UGGT2: variants seen among roughly 807,000 people sequenced by gnomAD.
UGGT2 encodes UDP-glucose glycoprotein glucosyltransferase 2.
In UGGT2, 180 loss-of-function variants were observed where a neutral mutation model predicts 192.1. The observed-to-expected ratio is 0.94, with a 90% CI of 0.83 to 1.06. UGGT2 has a LOEUF of 1.06. Ranked by LOEUF, UGGT2 falls within the 50% of genes least tolerant of loss-of-function variation. The pLI is 0.00. For missense variants in UGGT2, 1,849 were observed against 1,795.7 expected (o/e 1.03, Z -0.54); for synonymous variants, 580 against 591.0 (o/e 0.98, Z 0.27).
intron 38 of UGGT2, among the ~76,000 whole-genome samples, chr13:95,805,439 A>T (rs1884256367): frequency 6.6e-6 from 1 of 152,206 alleles, no homozygotes; most frequent in South Asian, 2.1e-4. Context: ...CATATCCAAA[A>T]TAATGGAAAG....
chr13:95,977,153 G>A (rs1409095368), intron 10 of UGGT2, among the ~76,000 whole-genome samples: 1 of 152,174 alleles, frequency 6.6e-6, no homozygotes, highest in Non-Finnish European at 1.5e-5. Flanking sequence ...AAGACTTCAT[G>A]ACTAAAATAC....
At chr13:96,017,712 A>C (rs1483107086) in intron 4 of UGGT2, among the ~76,000 whole-genome samples, 1 of 152,230 alleles carries the variant, frequency 6.6e-6, no homozygotes, top group Admixed American at 6.5e-5. Context: ...TATATGCATT[A>C]AAAAAGAACA....
chr13:95,999,313 C>A lies in UGGT2; in HGVS notation c.661-6G>T. 6.2e-7 allele frequency: 1 copy of A among 1,612,322 alleles called. No homozygotes were observed. The highest frequency in any genetic ancestry group is 1.1e-5 in the South Asian group (1 of 90,970). The stretch of plus-strand genomic sequence containing the variant: ...ATTTTCCGTGAGCTTGGTTTCTGTT[C>A]AAACACATTTATTTTATAAAAAGCG... On this transcript the variant is annotated splice_region_variant and splice_polypyrimidine_tract_variant and intron_variant, in intron 5 of 38. Coordinates refer to ENST00000376747, the MANE Select transcript of UGGT2 (RefSeq NM_020121.4).
At chr13:95,879,999 G>C (rs1032342404) in intron 27 of UGGT2, among the ~76,000 whole-genome samples, 1 of 152,038 alleles carries the variant, frequency 6.6e-6, no homozygotes, top group African/African-American at 2.4e-5. Flanking sequence ...CCATCAACCT[G>C]CCATCTACAT....
At chr13:95,809,360 G>T (rs936005877) in intron 38 of UGGT2, 27 of 422,000 alleles carry the variant, frequency 6.4e-5, no homozygotes, top group Middle Eastern at 9.0e-4. Flanking sequence ...ACTCTCCACG[G>T]TTTTTGTTTC....
chr13:96,004,228 T>C (rs2051899764), intron 5 of UGGT2, among the ~76,000 whole-genome samples: 1 of 152,084 alleles, frequency 6.6e-6, no homozygotes, highest in Non-Finnish European at 1.5e-5. Context: ...TTAATTATTA[T>C]GGATACAGAA....
chr13:95,950,040 T>C (rs1315037561), intron 12 of UGGT2, among the ~76,000 whole-genome samples: 1 of 152,008 alleles, frequency 6.6e-6, no homozygotes, highest in Non-Finnish European at 1.5e-5. Context: ...CTAAACTTCA[T>C]CCCTGGGTCC....
At chr13:95,849,592 A>T in intron 36 of UGGT2, among the ~76,000 whole-genome samples, 1 of 150,220 alleles carries the variant, frequency 6.7e-6, no homozygotes. Flanking sequence ...TTAATTTTTT[A>T]TAAATAACTT....
At chr13:96,025,069 T>C (rs1347897620) in intron 2 of UGGT2, among the ~76,000 whole-genome samples, 3 of 152,158 alleles carry the variant, frequency 2.0e-5, no homozygotes, top group South Asian at 2.1e-4. Context: ...ATATGGGACA[T>C]TGTGGTTATT....
rs547867084 is a variant in UGGT2, at chr13:95,993,974, G to T, written c.830+2089C>A. ...CAGCGTGGCAGGAAAAAAAGGGGGG[G>T]GTATAACTTTAATTTTTGAAAGCTT... On this transcript the variant is annotated intron_variant, in intron 7 of 38. Coordinates refer to ENST00000376747, the MANE Select transcript of UGGT2 (RefSeq NM_020121.4). Among the ~76,000 whole-genome samples the T allele has an allele frequency of 2.0e-4, 30 of 151,866 alleles. 1 individual carries two copies. The South Asian group carries it at 6.3e-3, about 32-fold the overall frequency.
At chr13:95,973,073 G>C (rs1402975876) in intron 10 of UGGT2, among the ~76,000 whole-genome samples, 1 of 152,142 alleles carries the variant, frequency 6.6e-6, no homozygotes, top group African/African-American at 2.4e-5. Context: ...GGGAGGCTGA[G>C]GCAGGAGAAT....
intron 21 of UGGT2, among the ~76,000 whole-genome samples, 181 bp downstream of exon 21, chr13:95,902,669 TTTAC>T (rs997421480): frequency 3.9e-5 from 6 of 151,988 alleles, no homozygotes; most frequent in African/African-American, 9.7e-5. Flanking sequence ...TGAAATCTGA[TTTAC>T]TAAATGCCTC....
At chr13:96,030,710 T>A (rs951928008) in intron 2 of UGGT2, among the ~76,000 whole-genome samples, 1 of 152,342 alleles carries the variant, frequency 6.6e-6, no homozygotes, top group East Asian at 1.9e-4. Flanking sequence ...CTGAAGATTT[T>A]ACTCTTAAGG....
chr13:95,947,565 C>T (rs771657657), intron 14 of UGGT2, among the ~76,000 whole-genome samples: 1 of 151,938 alleles, frequency 6.6e-6, no homozygotes, highest in Non-Finnish European at 1.5e-5. Context: ...GATTCTCCTG[C>T]CTCAGCCTCC....
Position 95,983,815 on chromosome 13 carries a change from C to T in UGGT2, c.1081G>A (p.Glu361Lys), listed in dbSNP as rs1461484074. 6.4e-7 allele frequency: 1 copy of T among 1,563,064 alleles called. No homozygotes were observed. Among genetic ancestry groups the T allele is most frequent in the Non-Finnish European group, 8.7e-7 (1 of 1,153,242 alleles). ...GAATTCAAACAAACCTTTTGATTTT[C>T]CTTTATTTCTTCTCTCATATGTTGA... Reference protein sequence around the residue: ...VNQHMREEIKENQKDLQVRFK... With the variant: ...VNQHMREEIKKNQKDLQVRFK... The change falls in exon 10 of 39, where the codon GAA (glutamate) becomes AAA (lysine). Residue 361 changes from glutamate to lysine, a missense_variant. By Grantham distance (56) the Glu-to-Lys change is moderately conservative. Transcript: ENST00000376747.
chr13:95,990,872 C>T (rs2051435782), intron 7 of UGGT2: 1 of 152,310 alleles, frequency 6.6e-6, no homozygotes, highest in Non-Finnish European at 1.5e-5. Context: ...TATCCCTCTC[C>T]TAGCTCCCCA....
At chr13:95,985,004 A>G (rs2051244769) in intron 9 of UGGT2, 1 of 159,712 alleles carries the variant, frequency 6.3e-6, no homozygotes, top group Non-Finnish European at 1.4e-5. Context: ...TCAAGCCTAC[A>G]ATTTAGCCAT....
At chr13:95,843,171 T>C (rs1888041596) in intron 36 of UGGT2, among the ~76,000 whole-genome samples, 1 of 152,214 alleles carries the variant, frequency 6.6e-6, no homozygotes, top group Admixed American at 6.6e-5. Context: ...AGGTTTAAGT[T>C]AAACTGTAAA....
chr13:96,042,269 T>C (rs2053186566), intron 1 of UGGT2, among the ~76,000 whole-genome samples: 1 of 151,816 alleles, frequency 6.6e-6, no homozygotes, highest in Non-Finnish European at 1.5e-5. Flanking sequence ...TCCAGAACAA[T>C]CTCTACAGCT....
Sources: allele counts gnomAD v4.1 joint callset (sites outside exome capture counted in the v4.1 genomes callset), GRCh38; gene constraint gnomAD v4.1.1; transcripts MANE v1.5; gene names NCBI Gene and HGNC (gene_info 2026-07-23, HGNC 2026-07-21).